SAMHD1: variants seen among roughly 807,000 people sequenced by gnomAD.
The protein encoded by SAMHD1 is SAM and HD domain containing deoxynucleoside triphosphate triphosphohydrolase 1.
SAMHD1 carries 54 observed loss-of-function variants against 79.6 expected under a neutral mutation model. The ratio of observed to expected loss-of-function variants is 0.68; its 90% CI spans 0.55 to 0.85. The LOEUF (loss-of-function observed/expected upper bound fraction) is 0.85. SAMHD1 is among the 40% of genes least tolerant of loss of function. SAMHD1 has a pLI of 0.00. For missense variants in SAMHD1, 663 were observed against 782.7 expected (o/e 0.85, Z 1.82); for synonymous variants, 260 against 264.1 (o/e 0.98, Z 0.15).
intron 3 of SAMHD1, chr20:36,935,447 A>C (rs2063596840): frequency 1.2e-5 from 6 of 484,926 alleles, no homozygotes; most frequent in African/African-American, 1.9e-5. Flanking sequence ...TTGATTTTTT[A>C]TTATGTATAT....
intron 15 of SAMHD1, chr20:36,893,366 A>T: frequency 2.2e-6 from 1 of 446,440 alleles, no homozygotes; most frequent in Non-Finnish European, 4.1e-6. Context: ...CGGAGCACAA[A>T]CTCTGTCCTG....
At chr20:36,935,547 A>G (rs947949867) in intron 3 of SAMHD1, 3 of 306,252 alleles carry the variant, frequency 9.8e-6, no homozygotes, top group African/African-American at 6.7e-5. Flanking sequence ...CATGTAACCC[A>G]TATCACTATA....
intron 2 of SAMHD1, among the ~76,000 whole-genome samples, chr20:36,945,245 C>T (rs146501928): frequency 1.2e-4 from 18 of 152,208 alleles, no homozygotes; most frequent in African/African-American, 3.9e-4. Context: ...ATTTACTAAG[C>T]GTTAATCATA....
At chr20:36,897,164 C>T (rs1405963467) in intron 15 of SAMHD1, among the ~76,000 whole-genome samples, 1 of 152,216 alleles carries the variant, frequency 6.6e-6, no homozygotes, top group African/African-American at 2.4e-5. Flanking sequence ...ATCCTTTGTT[C>T]CCTTTAGCAC....
At chr20:36,931,158 G>A (rs947644350) in intron 4 of SAMHD1, 2 of 423,412 alleles carry the variant, frequency 4.7e-6, no homozygotes, top group African/African-American at 4.0e-5. Context: ...AAGAAAACCA[G>A]AAAATAACAA....
At chr20:36,916,160 CAA>C (rs888889988) in intron 9 of SAMHD1, among the ~76,000 whole-genome samples, 3 of 142,586 alleles carry the variant, frequency 2.1e-5, no homozygotes, top group African/African-American at 2.6e-5. Flanking sequence ...GACTCCGTCT[CAA>C]AAAAAAAAAG....
At chr20:36,929,800 G>A (rs1198336132) in intron 5 of SAMHD1, among the ~76,000 whole-genome samples, 7 of 152,034 alleles carry the variant, frequency 4.6e-5, no homozygotes, top group Admixed American at 4.6e-4. Context: ...AGTGGCCTAA[G>A]ACCTCACATG....
chr20:36,924,459 G>A (rs1479667024), intron 6 of SAMHD1, among the ~76,000 whole-genome samples: 1 of 152,118 alleles, frequency 6.6e-6, no homozygotes, highest in Non-Finnish European at 1.5e-5. Context: ...TCAGGAGGAG[G>A]AGGTGATCAC....
chr20:36,915,720 G>A (rs1233740683), intron 9 of SAMHD1, among the ~76,000 whole-genome samples: 2 of 151,150 alleles, frequency 1.3e-5, no homozygotes, highest in Non-Finnish European at 2.9e-5. Flanking sequence ...CTAGGCAACA[G>A]TGGGAGACTC....
rs1990288216 is a variant in SAMHD1, at chr20:36,900,691, C to T, written c.1504-2147G>A. Among the ~76,000 whole-genome samples the T allele has an allele frequency of 2.0e-5, 3 of 151,918 alleles. No individual in the cohort carries two copies. In the South Asian group the frequency reaches 6.2e-4, roughly 32 times the overall value. ...AAGCGATTTTCCTGCCTCAGCCTCC[C>T]AAGTAGCTAGGATGACAGGTGTGTG... is the stretch of plus-strand genomic sequence containing the variant. On this transcript the variant is annotated intron_variant, in intron 13 of 15. Transcript: ENST00000646673.
chr20:36,936,250 G>A (rs557712643), intron 3 of SAMHD1, among the ~76,000 whole-genome samples: 3 of 151,998 alleles, frequency 2.0e-5, no homozygotes, highest in Admixed American at 2.0e-4. Context: ...AAAAAAAGAA[G>A]AAAAAAAGCA....
In SAMHD1 at chr20:36,897,950, G is replaced by A. The variant is rs1990227913; in HGVS notation, c.1618C>T (p.Leu540Phe). 1 of 1,614,150 alleles carries A rather than the reference G, an allele frequency of 6.2e-7. No individual in the cohort carries two copies. Among genetic ancestry groups the A allele is most frequent in the Non-Finnish European group, 8.5e-7 (1 of 1,180,022 alleles). ...IRITKNQVSQ[L>F]LPEKFAEQLI... ...TGCTCTGCAAATTTCTCTGGCAGAA[G>A]TTGTGAAACCTTTTTAAAATGAAGA... The change falls in exon 15 of 16, where the codon CTT (leucine) becomes TTT (phenylalanine). Residue 540 changes from leucine to phenylalanine, a missense_variant. Coordinates refer to ENST00000646673, the MANE Select transcript of SAMHD1 (RefSeq NM_015474.4).
chr20:36,933,295 T>A (rs766903049), intron 4 of SAMHD1, among the ~76,000 whole-genome samples: 1 of 152,190 alleles, frequency 6.6e-6, no homozygotes, highest in East Asian at 1.9e-4. Context: ...CAGACCAACG[T>A]CTCAGCTTAG....
At chr20:36,949,903 C>T (rs1418937160) in intron 1 of SAMHD1, among the ~76,000 whole-genome samples, 2 of 151,952 alleles carry the variant, frequency 1.3e-5, no homozygotes, top group Non-Finnish European at 2.9e-5. Context: ...AACAGGACAG[C>T]ATCCTACTGT....
Position 36,930,893 on chromosome 20 carries a change from A to G in SAMHD1, c.510-18T>C, listed in dbSNP as rs554475226. 1 of 1,551,580 alleles carries G rather than the reference A, an allele frequency of 6.4e-7. No individual in the cohort carries two copies. The highest frequency in any genetic ancestry group is 1.1e-5 in the South Asian group (1 of 89,742). On this transcript the variant is annotated intron_variant, in intron 4 of 15. Coordinates refer to ENST00000646673, the MANE Select transcript of SAMHD1 (RefSeq NM_015474.4). Reference sequence around the variant, plus strand: ...ACCCCACCCTGCAGAGCAAAAACACAAAAAGTCACTTTTCTGTTTGCAAGA... The same window carrying G: ...ACCCCACCCTGCAGAGCAAAAACACGAAAAGTCACTTTTCTGTTTGCAAGA...
chr20:36,940,873 T>G (rs1198338491), intron 3 of SAMHD1, 166 bp downstream of exon 3: 1 of 636,094 alleles, frequency 1.6e-6, no homozygotes, highest in Non-Finnish European at 2.8e-6. Flanking sequence ...CTGATTTAAA[T>G]ACTCTGTGCT....
At chr20:36,908,721 T>C (rs556111063) in intron 11 of SAMHD1, among the ~76,000 whole-genome samples, 15 of 152,136 alleles carry the variant, frequency 9.9e-5, no homozygotes, top group Non-Finnish European at 1.0e-4. Context: ...TAAAAACTGG[T>C]TCTTCAAACA....
At chr20:36,947,252 A>T (rs1417128578) in intron 1 of SAMHD1, among the ~76,000 whole-genome samples, 1 of 152,016 alleles carries the variant, frequency 6.6e-6, no homozygotes, top group African/African-American at 2.4e-5. Flanking sequence ...AAGAGTGCTT[A>T]AAGTGTTGAT....
intron 11 of SAMHD1, among the ~76,000 whole-genome samples, chr20:36,908,803 G>A (rs12481143): frequency 0.15 from 23,250 of 151,968 alleles, 2,327 homozygotes; most frequent in Middle Eastern, 0.24. Flanking sequence ...GTGGTAGAAC[G>A]GCAGCACTCT....
Sources: allele counts gnomAD v4.1 joint callset (sites outside exome capture counted in the v4.1 genomes callset), GRCh38; gene constraint gnomAD v4.1.1; transcripts MANE v1.5; gene names NCBI Gene and HGNC (gene_info 2026-07-23, HGNC 2026-07-21).